SNX25: variants seen among roughly 807,000 people sequenced by gnomAD.
SNX25 encodes sorting nexin 25.
Under a neutral mutation model 113.7 loss-of-function variants are expected in SNX25, and 62 were observed. That is an observed-to-expected ratio of 0.55 (90% CI 0.44 to 0.67). The LOEUF (loss-of-function observed/expected upper bound fraction) is 0.67. SNX25 is among the 30% of genes least tolerant of loss of function. The pLI, the probability that SNX25 is intolerant of heterozygous loss-of-function variation, is 0.00. For synonymous variants in SNX25, 421 were observed against 436.2 expected (o/e 0.97, Z 0.43); for missense variants, 1,014 against 1,161.0 (o/e 0.87, Z 1.84).
rs1754315914 is a variant in SNX25 at position 185,305,364 on chromosome 4, A to G, written c.1163-5271A>G. Among the ~76,000 whole-genome samples, 4 of 152,166 alleles carry G rather than the reference A, an allele frequency of 2.6e-5. No individual in the cohort carries two copies. The South Asian group carries it at 8.3e-4, about 31-fold the overall frequency. On this transcript the variant is annotated intron_variant, in intron 6 of 18. Coordinates refer to ENST00000652585, the MANE Select transcript of SNX25 (RefSeq NM_001378034.2). ...CTGCCATTATGATATGCCCTGGAACATGATAGCATGTTATGAGGGAAGGAA... is the reference window on the plus strand; with the variant it reads ...CTGCCATTATGATATGCCCTGGAACGTGATAGCATGTTATGAGGGAAGGAA...
At chr4:185,359,669 C>T (rs1022584364) in intron 16 of SNX25, among the ~76,000 whole-genome samples, 1 of 152,148 alleles carries the variant, frequency 6.6e-6, no homozygotes, top group Middle Eastern at 3.2e-3. Flanking sequence ...TGGGTGCATG[C>T]ACCTGTAATT....
intron 12 of SNX25, among the ~76,000 whole-genome samples, chr4:185,345,444 C>G (rs1172570484): frequency 2.0e-5 from 3 of 152,146 alleles, no homozygotes; most frequent in African/African-American, 4.8e-5. Flanking sequence ...AGGGTGCGCT[C>G]TTCGTACTAT....
chr4:185,326,576 A>C (rs1055659945), intron 9 of SNX25, among the ~76,000 whole-genome samples: 2 of 152,218 alleles, frequency 1.3e-5, no homozygotes, highest in Non-Finnish European at 2.9e-5. Context: ...GATAACATAC[A>C]TTAAGATATA....
chr4:185,227,402 T>G (rs1741182629), intron 1 of SNX25, among the ~76,000 whole-genome samples: 1 of 152,238 alleles, frequency 6.6e-6, no homozygotes, highest in South Asian at 2.1e-4. Context: ...CTTTTTAGCC[T>G]TCACTTGTAT....
At chr4:185,238,848 G>A (rs1048452250) in intron 1 of SNX25, among the ~76,000 whole-genome samples, 3 of 152,150 alleles carry the variant, frequency 2.0e-5, no homozygotes, top group Non-Finnish European at 4.4e-5. Flanking sequence ...CAGGTAATAG[G>A]CATGAAGAAA....
chr4:185,313,360 A>C (rs2095045897), intron 7 of SNX25, among the ~76,000 whole-genome samples: 1 of 152,196 alleles, frequency 6.6e-6, no homozygotes, highest in Non-Finnish European at 1.5e-5. Context: ...GTTCGTCAGG[A>C]AGATAGAATA....
intron 7 of SNX25, among the ~76,000 whole-genome samples, chr4:185,311,152 T>C (rs752149823): frequency 3.3e-5 from 5 of 152,176 alleles, no homozygotes; most frequent in Non-Finnish European, 4.4e-5. Flanking sequence ...TGAATAGAAA[T>C]AACCACCTAT....
intron 11 of SNX25, among the ~76,000 whole-genome samples, chr4:185,340,835 G>A (rs1348723886): frequency 6.6e-6 from 1 of 152,160 alleles, no homozygotes; most frequent in East Asian, 1.9e-4. Flanking sequence ...TGAAAAGATA[G>A]TGGAAATGGG....
chr4:185,323,856 T>G (rs2095137588), intron 9 of SNX25, 56 bp downstream of exon 9: 13 of 1,587,120 alleles, frequency 8.2e-6, no homozygotes, highest in Admixed American at 1.8e-5. Flanking sequence ...TAAATATGTT[T>G]AAGTGGGTGC....
intron 1 of SNX25, among the ~76,000 whole-genome samples, chr4:185,234,295 A>G (rs1166952737): frequency 1.3e-5 from 2 of 152,256 alleles, no homozygotes; most frequent in African/African-American, 2.4e-5. Flanking sequence ...GGAACCTGCT[A>G]TGAAAGTAAA....
chr4:185,290,122 G>A (rs902524925), intron 6 of SNX25, among the ~76,000 whole-genome samples: 1 of 152,020 alleles, frequency 6.6e-6, no homozygotes, highest in Admixed American at 6.6e-5. Context: ...ACTGCACTGG[G>A]GCCCATCTAA....
intron 1 of SNX25, among the ~76,000 whole-genome samples, chr4:185,218,075 C>G (rs1481100324): frequency 6.6e-6 from 1 of 152,070 alleles, no homozygotes; most frequent in African/African-American, 2.4e-5. Context: ...CTGCTTTAGT[C>G]TAGGAGTGTG....
intron 6 of SNX25, among the ~76,000 whole-genome samples, chr4:185,298,565 A>T (rs1258866247): frequency 1.3e-5 from 2 of 152,122 alleles, no homozygotes; most frequent in African/African-American, 4.8e-5. Context: ...GACGCTTGAC[A>T]TGATCTACAA....
chr4:185,245,158 A>G (rs577344050), intron 1 of SNX25, among the ~76,000 whole-genome samples: 40 of 152,012 alleles, frequency 2.6e-4, no homozygotes, highest in African/African-American at 9.6e-4. Flanking sequence ...ATGTTCTGCA[A>G]TTTTTTTTGT....
upstream of SNX25, among the ~76,000 whole-genome samples, chr4:185,208,506 G>A (rs1737301437): frequency 6.6e-6 from 1 of 151,758 alleles, no homozygotes; most frequent in African/African-American, 2.4e-5. Context: ...GAGGCAGGCG[G>A]ATCACGAGGT....
intron 6 of SNX25, among the ~76,000 whole-genome samples, chr4:185,288,612 G>GT (rs1307212735): frequency 7.5e-6 from 1 of 133,582 alleles, no homozygotes; most frequent in Admixed American, 8.1e-5. Context: ...TTGTTGGGGG[G>GT]TGGGGGGGTG....
chr4:185,354,062 C>T (rs2095328523), intron 15 of SNX25, among the ~76,000 whole-genome samples: 1 of 150,200 alleles, frequency 6.7e-6, no homozygotes, highest in Admixed American at 6.6e-5. Context: ...AAAAAAAGAG[C>T]CAACCAGATA....
chr4:185,323,216 CT>C (rs1316482065), intron 8 of SNX25, among the ~76,000 whole-genome samples: 1 of 152,088 alleles, frequency 6.6e-6, no homozygotes, highest in Non-Finnish European at 1.5e-5. Context: ...ACATTTTCTT[CT>C]TGTGGAATTG....
intron 1 of SNX25, among the ~76,000 whole-genome samples, chr4:185,221,424 C>T (rs1001265343): frequency 6.6e-5 from 10 of 152,070 alleles, no homozygotes; most frequent in African/African-American, 1.9e-4. Context: ...ATCCTCCCAC[C>T]GTGGCCTCCC....
Sources: gnomAD v4.1 joint callset for allele counts (sites outside exome capture counted in the v4.1 genomes callset) on GRCh38, gnomAD v4.1.1 for gene constraint, MANE v1.5 for transcripts, NCBI Gene and HGNC (gene_info 2026-07-23, HGNC 2026-07-21) for gene names.